The following CUX1 variants were observed in gnomAD, a reference collection of about 807,000 sequenced individuals.
The protein encoded by CUX1 is protein CASP.
A neutral mutation model predicts 158.8 loss-of-function variants in CUX1; 31 were observed. The observed-to-expected ratio is 0.20, with a 90% confidence interval of 0.15 to 0.26. The LOEUF is 0.26. CUX1 is among the 10% of genes least tolerant of loss of function. CUX1 has a pLI of 1.00. For synonymous variants in CUX1, 879 were observed against 862.1 expected, an observed-to-expected ratio of 1.02 and a Z score of -0.34; for missense variants, 1,589 against 2,014.6, an observed-to-expected ratio of 0.79 and a Z score of 4.04.
intron 20 of CUX1, among the ~76,000 whole-genome samples, chr7:102,213,643 C>T (rs1796766356): frequency 6.6e-6 from 1 of 152,300 alleles, no homozygotes; most frequent in South Asian, 2.1e-4. Flanking sequence ...GCATTCAGTA[C>T]AAGAGGCAAA....
chr7:102,126,920 A>T (rs1394518205), intron 8 of CUX1, among the ~76,000 whole-genome samples: 4 of 152,216 alleles, frequency 2.6e-5, no homozygotes, highest in African/African-American at 9.6e-5. Context: ...GGGTGATGGG[A>T]GACAGTGACA....
At chr7:102,000,588 G>A (rs948283380) in intron 2 of CUX1, among the ~76,000 whole-genome samples, 11 of 152,214 alleles carry the variant, frequency 7.2e-5, no homozygotes, top group African/African-American at 2.7e-4. Context: ...AAAATAGCCA[G>A]ATCCCGTGGG....
chr7:102,197,077 A>G lies in CUX1; in HGVS notation c.1666A>G (p.Ile556Val), dbSNP rs202205063. 2.5e-6 allele frequency: 4 copies of G among 1,614,240 alleles called. No homozygotes were observed. The highest frequency in any genetic ancestry group is 2.5e-6 in the Non-Finnish European group (3 of 1,180,046). Residue 556 changes from isoleucine (I) to valine (V), a missense_variant, in exon 15 of 24, where the codon ATC becomes GTC. Ile to Val is a conservative substitution (Grantham distance 29, BLOSUM62 3). Coordinates refer to ENST00000292535, the MANE Select transcript of CUX1 (RefSeq NM_181552.4). ...SEGEEMDTAE[I>V]ARQVKEQLIK... ...GGGCGAGGAGATGGACACTGCAGAAATCGCCCGGCAGGTCAAAGAGCAGCT... is the reference window on the plus strand; with the variant it reads ...GGGCGAGGAGATGGACACTGCAGAAGTCGCCCGGCAGGTCAAAGAGCAGCT...
chr7:102,034,145 C>CAAAAAAAAAAAAAAAA (rs10655613), intron 3 of CUX1, among the ~76,000 whole-genome samples: 1 of 48,614 alleles, frequency 2.1e-5, no homozygotes, highest in Non-Finnish European at 3.4e-5. Context: ...GACTCCATCT[C>CAAAAAAAAAAAAAAAA]AAAAAAAAAA....
intron 1 of CUX1, among the ~76,000 whole-genome samples, chr7:101,899,188 A>G (rs1195141743): frequency 6.6e-6 from 1 of 152,228 alleles, no homozygotes; most frequent in Non-Finnish European, 1.5e-5. Context: ...TATAGATCCC[A>G]CATTACTGAG....
chr7:101,900,324 G>A (rs559995323), intron 1 of CUX1, among the ~76,000 whole-genome samples: 3 of 152,302 alleles, frequency 2.0e-5, no homozygotes, highest in South Asian at 2.1e-4. Context: ...CAGCGGTACC[G>A]GTGCCAGGAG....
Position 102,250,276 on chromosome 7 carries a change from C to G in CUX1, c.*1234C>G, listed in dbSNP as rs942544600. The G allele has an allele frequency of 2.2e-5, 22 of 985,254 alleles. No individual in the cohort carries two copies. Among genetic ancestry groups the G allele is most frequent in the Middle Eastern group, 5.2e-4 (1 of 1,936 alleles). The allele number at this position is 985,254 out of a possible 1,614,324, so 61.0% of individuals were successfully genotyped here. A position where few individuals can be genotyped will look rare whatever the true frequency, so the allele number is the denominator to read the frequency against. On this transcript the variant is annotated 3_prime_UTR_variant, in exon 24 of 24. Transcript: ENST00000292535. ...GCATTGAAAGAAAGGAGAGAGTAGT[C>G]CGGGCGAGCACAGCAGGCAGTTCCA...
chr7:102,149,570 G>A (rs1044861869), intron 8 of CUX1, among the ~76,000 whole-genome samples: 5 of 152,174 alleles, frequency 3.3e-5, no homozygotes, highest in Admixed American at 6.5e-5. Context: ...CCCCATGGGC[G>A]TTATTGGTGG....
chr7:102,282,068 G>T lies in CUX1; in HGVS notation c.1902+148G>T. The stretch of plus-strand genomic sequence containing the variant: ...GCGGCCATGCCTCTCCCCTTCGAGA[G>T]CCTTGGCCCACCCCAGGGACGAGAA... On this transcript the variant is annotated intron_variant, in intron 21 of 22. Coordinates refer to the CUX1 transcript ENST00000292538. 4.5e-6 allele frequency: 3 copies of T among 672,260 alleles called. No individual in the cohort carries two copies. In the South Asian group the frequency reaches 4.8e-5, roughly 11 times the overall value. The allele number at this position is 672,260 out of a possible 1,614,324, so 41.6% of individuals were successfully genotyped here.
In CUX1 at chr7:102,073,165, CTTTTT is replaced by C. The variant is rs869202667; in HGVS notation, c.268+2768_268+2772del. On this transcript the variant is annotated intron_variant, in intron 4 of 23. Transcript: ENST00000292535. ...AAATAATATGTAATCTCTTTTCTTT[CTTTTT>C]TTTTTTTTTTTTTTTTTTTCTGAGA... is the stretch of plus-strand genomic sequence containing the variant. Among the ~76,000 whole-genome samples, 281 of 66,876 alleles carry C rather than the reference CTTTTT, an allele frequency of 4.2e-3. 4 individuals are homozygous for C. Among genetic ancestry groups the C allele is most frequent in the African/African-American group, 0.016 (251 of 15,588 alleles). The allele number at this position is 66,876 out of a possible 152,430, so 43.9% of individuals were successfully genotyped here.
chr7:101,816,495 AG>A (rs1791803426), upstream of CUX1, among the ~76,000 whole-genome samples: 1 of 130,404 alleles, frequency 7.7e-6, no homozygotes, highest in Admixed American at 7.4e-5. Flanking sequence ...TGCGCGCGCG[AG>A]CGGGGAGCGG....
In CUX1 at chr7:102,132,308, T is replaced by C. The variant is rs62483559; in HGVS notation, c.674+17035T>C. On this transcript the variant is annotated intron_variant, in intron 8 of 23. Coordinates refer to ENST00000292535, the MANE Select transcript of CUX1 (RefSeq NM_181552.4). ...GAGAGAGAGAGTGTGTGTGTGTGTGTGCGCGCGCGCGCGCGCACGCCACGC... is the reference window on the plus strand; with the variant it reads ...GAGAGAGAGAGTGTGTGTGTGTGTGCGCGCGCGCGCGCGCGCACGCCACGC... 0.015 allele frequency among the ~76,000 whole-genome samples: 861 copies of C among 57,070 alleles called. 13 individuals carry two copies. In the East Asian group the frequency reaches 0.19, roughly 13 times the overall value. 37.4% of individuals were successfully genotyped at this position (57,070 alleles called of 152,430 possible).
At chr7:102,165,902 CT>C (rs1306322088) in intron 9 of CUX1, among the ~76,000 whole-genome samples, 2 of 152,204 alleles carry the variant, frequency 1.3e-5, no homozygotes, top group Admixed American at 6.5e-5. Flanking sequence ...GAAACCATCT[CT>C]GTATTTGCTG....
rs960577089 is a variant in CUX1 at position 101,861,200 on chromosome 7, G to A, written c.30+43531G>A. Among the ~76,000 whole-genome samples the A allele has an allele frequency of 3.4e-4, 52 of 152,286 alleles. 1 individual carries two copies. Among genetic ancestry groups the A allele is most frequent in the African/African-American group, 4.3e-4 (18 of 41,552 alleles). ...GAACCCACATTTCTGCCCCGTGTCT[G>A]CTGGTCGCAGGAATTGGCACATTTT... is the stretch of plus-strand genomic sequence containing the variant. On this transcript the variant is annotated intron_variant, in intron 1 of 23. Coordinates refer to ENST00000292535, the MANE Select transcript of CUX1 (RefSeq NM_181552.4).
chr7:102,253,210 C>T lies in CUX1; in HGVS notation c.*4168C>T. On this transcript the variant is annotated 3_prime_UTR_variant, in exon 24 of 24. Coordinates refer to ENST00000292535, the MANE Select transcript of CUX1 (RefSeq NM_181552.4). ...TGGTTGGCGGTCCGGGCCCAGAGTG[C>T]AGCAGAGCTCTGGGTTAAATATTCC... 1.0e-6 allele frequency: 1 copy of T among 985,486 alleles called. No individual in the cohort carries two copies. The highest frequency in any genetic ancestry group is 1.2e-6 in the Non-Finnish European group (1 of 829,966). The allele number at this position is 985,486 out of a possible 1,614,324, so 61.0% of individuals were successfully genotyped here. A position where few individuals can be genotyped will look rare whatever the true frequency, so the allele number is the denominator to read the frequency against.
chr7:102,158,449 CACGG>C, intron 8 of CUX1, 107 bp from the exon 9 acceptor site: 1 of 992,626 alleles, frequency 1.0e-6, no homozygotes, highest in Admixed American at 1.9e-5. Context: ...AGCATTGACT[CACGG>C]GTCTGCACAG....
intron 22 of CUX1, among the ~76,000 whole-genome samples, chr7:102,238,879 C>A (rs1563469019): frequency 6.6e-6 from 1 of 152,018 alleles, no homozygotes; most frequent in African/African-American, 2.4e-5. Flanking sequence ...AGCGTTGTTT[C>A]TTTTGTTTTG....
chr7:102,238,716 C>T (rs886501259), intron 22 of CUX1, among the ~76,000 whole-genome samples: 6 of 152,266 alleles, frequency 3.9e-5, no homozygotes, highest in Middle Eastern at 3.4e-3. Flanking sequence ...CTTACCCCCA[C>T]CCCACTTTTC....
intron 12 of CUX1, among the ~76,000 whole-genome samples, chr7:102,191,475 C>T (rs1794266759): frequency 6.6e-6 from 1 of 152,200 alleles, no homozygotes; most frequent in Admixed American, 6.5e-5. Context: ...TCAGGTGATC[C>T]ACCCACCTCA....
Sources: gnomAD v4.1 joint callset for allele counts (sites outside exome capture counted in the v4.1 genomes callset) on GRCh38, gnomAD v4.1.1 for gene constraint, MANE v1.5 for transcripts, NCBI Gene and HGNC (gene_info 2026-07-23, HGNC 2026-07-21) for gene names.